The following BCL9L variants were observed in gnomAD, a reference collection of about 807,000 sequenced individuals.
BCL9L encodes BCL9 like.
In BCL9L, 19 loss-of-function variants were observed where a neutral mutation model predicts 99.4. That is an observed-to-expected ratio of 0.19 (90% CI 0.13 to 0.28). BCL9L has a LOEUF of 0.28. BCL9L is among the 10% of genes least tolerant of loss of function. The pLI is 1.00. For missense variants in BCL9L, 2,023 were observed against 2,101.6 expected (o/e 0.96, Z 0.73); for synonymous variants, 900 against 854.8 (o/e 1.05, Z -0.92).
Position 118,898,310 on chromosome 11 carries a change from T to A in BCL9L, c.*105A>T. On this transcript the variant is annotated 3_prime_UTR_variant, in exon 10 of 10. Transcript: ENST00000683865. ...CCTACACAAGCCCCCTCCCACCCCC[T>A]CCACCCCACCCCGCGACCCAGGCCA... The A allele has an allele frequency of 1.8e-3, 425 of 232,222 alleles. No individual in the cohort carries two copies. Among genetic ancestry groups the A allele is most frequent in the Middle Eastern group, 5.9e-3 (4 of 680 alleles). 14.4% of individuals were successfully genotyped at this position (232,222 alleles called of 1,614,324 possible).
Position 118,897,908 on chromosome 11 carries a change from T to C in BCL9L, c.*507A>G, listed in dbSNP as rs1591971473. On this transcript the variant is annotated 3_prime_UTR_variant, in exon 10 of 10. Transcript: ENST00000683865. ...AGGGGTGGGAGAGGGGTCAGCCACA[T>C]CAGCAGGGAAAGGATACGAAGCAGG... 2.2e-6 allele frequency: 1 copy of C among 452,880 alleles called. No homozygotes were observed. The highest frequency in any genetic ancestry group is 1.6e-5 in the South Asian group (1 of 63,730). 28.1% of individuals were successfully genotyped at this position (452,880 alleles called of 1,614,324 possible).
intron 2 of BCL9L, among the ~76,000 whole-genome samples, chr11:118,913,500 G>C (rs1940872125): frequency 1.3e-5 from 2 of 152,184 alleles, no homozygotes; most frequent in South Asian, 4.1e-4. Flanking sequence ...AGCAATCATG[G>C]CCTGGCAGTG....
At chr11:118,918,254 G>T (rs968588825) in intron 2 of BCL9L, among the ~76,000 whole-genome samples, 1 of 149,834 alleles carries the variant, frequency 6.7e-6, no homozygotes, top group Non-Finnish European at 1.5e-5. Flanking sequence ...GGCTGGCGGA[G>T]GGAAGAGGCT....
At chr11:118,908,119 G>A (rs1565623490) in intron 4 of BCL9L, 151 bp downstream of exon 4, 46 of 1,127,612 alleles carry the variant, frequency 4.1e-5, no homozygotes, top group Non-Finnish European at 4.9e-5. Context: ...TGATCTGGTT[G>A]GTGGGTGTTG....
chr11:118,910,077 G>T, intron 2 of BCL9L, 62 bp from the exon 3 acceptor site: 1 of 1,187,020 alleles, frequency 8.4e-7, no homozygotes, highest in Non-Finnish European at 1.2e-6. Flanking sequence ...AGAGGGGGAG[G>T]GGAGAAGGGA....
intron 2 of BCL9L, among the ~76,000 whole-genome samples, chr11:118,912,093 C>T (rs76160025): frequency 0.029 from 4,469 of 152,256 alleles, 82 homozygotes; most frequent in South Asian, 0.089. Context: ...TTTCCCATCT[C>T]ACACCTCCCC....
At position 118,898,144 on chromosome 11, in the gene BCL9L, A is replaced by G; in HGVS notation, c.*271T>C. 1 of 573,714 alleles carries G rather than the reference A, an allele frequency of 1.7e-6. No homozygotes were observed. Among genetic ancestry groups the G allele is most frequent in the Non-Finnish European group, 3.1e-6 (1 of 321,972 alleles). The allele number at this position is 573,714 out of a possible 1,614,324, so 35.5% of individuals were successfully genotyped here. A position where few individuals can be genotyped will look rare whatever the true frequency, so the allele number is the denominator to read the frequency against. ...ATGCACGGAAAGAGGTAAAATAGAG[A>G]GGCTCCATAGGAATTGGGAGGAGTG... On this transcript the variant is annotated 3_prime_UTR_variant, in exon 10 of 10. Coordinates refer to ENST00000683865, the MANE Select transcript of BCL9L (RefSeq NM_001378213.1).
chr11:118,906,984 G>A (rs958170999), intron 5 of BCL9L, among the ~76,000 whole-genome samples: 8 of 152,230 alleles, frequency 5.3e-5, no homozygotes, highest in East Asian at 1.9e-4. Context: ...AGAATCAGAG[G>A]AGGAGTGGGC....
chr11:118,915,293 A>C (rs957855279), intron 2 of BCL9L, among the ~76,000 whole-genome samples: 3 of 152,172 alleles, frequency 2.0e-5, no homozygotes, highest in Non-Finnish European at 1.5e-5. Context: ...AAACTAACAG[A>C]ATGCCTAAGA....
At position 118,901,549 on chromosome 11, in the gene BCL9L, C is replaced by T. The variant is rs200122860; in HGVS notation, c.2194G>A (p.Gly732Ser). ...ATGCCCATGGGAGTGCCCGCCAGGC[C>T]CTCACCACCAGCCATCTGCCCGGGA... ...MFPGQMAGGE[G>S]LAGTPMGMEF... The change falls in exon 8 of 10, where the codon GGC becomes AGC. Residue 732 changes from glycine (G) to serine (S), a missense_variant. This residue lies in a region of BCL9L where 1,116 missense variants were observed against 1,194.6 expected (regional missense o/e 0.93). Coordinates refer to ENST00000683865, the MANE Select transcript of BCL9L (RefSeq NM_001378213.1). This position sits in a 1 kb window ranked among gnomAD's most constrained non-coding sequence, Gnocchi z 6.6. 80 of 1,614,120 alleles carry T rather than the reference C, an allele frequency of 5.0e-5. 1 individual carries two copies. The East Asian group carries it at 1.1e-3, about 23-fold the overall frequency.
chr11:118,918,445 G>T (rs981778502), intron 2 of BCL9L, among the ~76,000 whole-genome samples: 1 of 150,866 alleles, frequency 6.6e-6, no homozygotes, highest in Non-Finnish European at 1.5e-5. Flanking sequence ...GGATAACCAG[G>T]AAGTTGTACC....
chr11:118,898,721 G>A lies in BCL9L; in HGVS notation c.4194C>T (p.Ser1398=), dbSNP rs1450690941. 6.2e-7 allele frequency: 1 copy of A among 1,613,060 alleles called. No individual in the cohort carries two copies. Among genetic ancestry groups the A allele is most frequent in the Non-Finnish European group, 8.5e-7 (1 of 1,179,714 alleles). ...GGGGCACGCCTGTCCTGCCCAGCAA[G>A]GACATCTGTCCAGGGTGGCACATGG... ...NMSMCHPGQM[S]LLGRTGVPPQ... The change falls in exon 10 of 10, where the codon TCC becomes TCT. Residue 1398 remains serine (S), a synonymous_variant. Transcript: ENST00000683865.
Position 118,900,234 on chromosome 11 carries a change from C to A in BCL9L, c.3125-36G>T. On this transcript the variant is annotated intron_variant, in intron 8 of 9. Transcript: ENST00000683865. The surrounding 1 kb of genome is among the most constrained non-coding windows in gnomAD (Gnocchi z 5.3). ...GGGGAGACAAAGAGAGCAGGGGTGA[C>A]TGGGGAGGGGCAGATGAGTTTGGCT... The A allele has an allele frequency of 6.5e-7, 1 of 1,542,892 alleles. No individual in the cohort carries two copies. Among genetic ancestry groups the A allele is most frequent in the Non-Finnish European group, 8.8e-7 (1 of 1,142,392 alleles).
rs758965475 is a variant in BCL9L, at chr11:118,897,359, A to G, written c.*1056T>C. On this transcript the variant is annotated 3_prime_UTR_variant, in exon 10 of 10. Transcript: ENST00000683865. ...GCCTCTTCCTCCTTTCCTTCATCCC[A>G]AACTGGGACAAAAGACTTCAAGTTC... is the stretch of plus-strand genomic sequence containing the variant. 16 of 179,198 alleles carry G rather than the reference A, an allele frequency of 8.9e-5. No individual in the cohort carries two copies. Among genetic ancestry groups the G allele is most frequent in the Non-Finnish European group, 1.4e-4 (12 of 83,078 alleles). 11.1% of individuals were successfully genotyped at this position (179,198 alleles called of 1,614,324 possible).
At chr11:118,899,780 G>A in intron 9 of BCL9L, 137 bp downstream of exon 9, 2 of 1,288,834 alleles carry the variant, frequency 1.6e-6, no homozygotes, top group Non-Finnish European at 2.1e-6. Context: ...CAGCGAGTGG[G>A]AACAGCATCC....
At chr11:118,908,895 A>G (rs958359268) in intron 3 of BCL9L, among the ~76,000 whole-genome samples, 1 of 152,068 alleles carries the variant, frequency 6.6e-6, no homozygotes, top group Non-Finnish European at 1.5e-5. Flanking sequence ...TAGCCTCCAC[A>G]ATTTGAATGG....
chr11:118,917,228 C>G (rs1158342372), intron 2 of BCL9L, among the ~76,000 whole-genome samples: 1 of 152,166 alleles, frequency 6.6e-6, no homozygotes, highest in South Asian at 2.1e-4. Context: ...CCTCTCTCAC[C>G]ATCAATTCTT....
Position 118,922,147 on chromosome 11 carries a change from C to T in BCL9L, c.-131+3091G>A, listed in dbSNP as rs912558667. Among the ~76,000 whole-genome samples, 4 of 152,086 alleles carry T rather than the reference C, an allele frequency of 2.6e-5. No homozygotes were observed. Among genetic ancestry groups the T allele is most frequent in the Admixed American group, 6.5e-5 (1 of 15,278 alleles). On this transcript the variant is annotated intron_variant, in intron 1 of 9. Transcript: ENST00000683865. This position sits in a 1 kb window ranked among gnomAD's most constrained non-coding sequence, Gnocchi z 6.2. ...CCAGGGAAAGTCAGGCTGAGTTCTC[C>T]CAGGAGGGGAGGGAGGGGAGGTCAG...
chr11:118,900,660 A>G lies in BCL9L; in HGVS notation c.3083T>C (p.Leu1028Pro). The G allele has an allele frequency of 2.5e-6, 4 of 1,612,788 alleles. No homozygotes were observed. Among genetic ancestry groups the G allele is most frequent in the Non-Finnish European group, 1.7e-6 (2 of 1,179,380 alleles). Reference sequence around the variant, plus strand: ...CAGGGTGGTGGAAGAGTTCATGTTGAGAGGCGGCTGCTTGTTCTGGGAGAC... The same window carrying G: ...CAGGGTGGTGGAAGAGTTCATGTTGGGAGGCGGCTGCTTGTTCTGGGAGAC... Reference protein sequence around the residue: ...PGVSQNKQPPLNMNSSTTLSN... With the variant: ...PGVSQNKQPPPNMNSSTTLSN... Residue 1028 changes from leucine (L) to proline (P), a missense_variant, in exon 8 of 10, where the codon CTC becomes CCC. Leu to Pro is a moderately conservative substitution (Grantham distance 98). Coordinates refer to ENST00000683865, the MANE Select transcript of BCL9L (RefSeq NM_001378213.1). This position sits in a 1 kb window ranked among gnomAD's most constrained non-coding sequence, Gnocchi z 5.3.
Sources: gnomAD v4.1 joint callset for allele counts (sites outside exome capture counted in the v4.1 genomes callset) on GRCh38, gnomAD v4.1.1 for gene constraint, gnomAD v4.1.1 regional missense constraint, Gnocchi (gnomAD v3.1) non-coding constraint, MANE v1.5 for transcripts, NCBI Gene and HGNC (gene_info 2026-07-23, HGNC 2026-07-21) for gene names.